RSU1: variants seen among roughly 807,000 people sequenced by gnomAD.
The protein encoded by RSU1 is Ras suppressor protein 1.
A neutral mutation model predicts 31.1 loss-of-function variants in RSU1; 26 were observed. The ratio of observed to expected loss-of-function variants is 0.84; its 90% CI spans 0.61 to 1.16. The LOEUF (loss-of-function observed/expected upper bound fraction) is 1.16. RSU1 is among the 50% of genes most tolerant of loss of function. The probability of loss-of-function intolerance (pLI) is 0.00; values close to 1 mark genes in which losing one functional copy is unlikely to be tolerated. For missense variants in RSU1, 320 were observed against 339.1 expected (o/e 0.94, Z 0.44); for synonymous variants, 164 against 136.3 (o/e 1.20, Z -1.41).
intron 2 of RSU1, among the ~76,000 whole-genome samples, chr10:16,795,353 CAAAAAAA>C (rs532677802): frequency 8.0e-5 from 6 of 75,216 alleles, no homozygotes; most frequent in African/African-American, 2.4e-4. Context: ...GACTCCATCT[CAAAAAAA>C]AAAAAAAAAA....
At chr10:16,779,927 C>CCA (rs1837614362) in intron 3 of RSU1, among the ~76,000 whole-genome samples, 1 of 152,006 alleles carries the variant, frequency 6.6e-6, no homozygotes, top group African/African-American at 2.4e-5. Flanking sequence ...TGGCTTGAAA[C>CCA]AGAATTTACC....
At chr10:16,642,681 C>T (rs1384531356) in intron 8 of RSU1, among the ~76,000 whole-genome samples, 1 of 152,036 alleles carries the variant, frequency 6.6e-6, no homozygotes, top group East Asian at 1.9e-4. Flanking sequence ...CTAAATGGAC[C>T]CTGAAATCAT....
intron 7 of RSU1, among the ~76,000 whole-genome samples, chr10:16,739,744 TG>T (rs529487107): frequency 4.6e-4 from 70 of 152,258 alleles, no homozygotes; most frequent in Admixed American, 9.2e-4. Flanking sequence ...CCCGAGTAGC[TG>T]GGATCACAGG....
At chr10:16,732,601 C>T (rs1836537063) in intron 7 of RSU1, among the ~76,000 whole-genome samples, 1 of 152,186 alleles carries the variant, frequency 6.6e-6, no homozygotes, top group African/African-American at 2.4e-5. Flanking sequence ...GTCTAAGTCA[C>T]CCAGTCTATG....
In RSU1 at chr10:16,752,987, T is replaced by C. The variant is rs747700831; in HGVS notation, c.414A>G (p.Ala138=). 1.2e-6 allele frequency: 2 copies of C among 1,613,712 alleles called. No homozygotes were observed. Among genetic ancestry groups the C allele is most frequent in the Non-Finnish European group, 1.7e-6 (2 of 1,179,784 alleles). ...CAAAATCGTTGTCACTTAGATAGAG[T>C]GCACGCAGGGTGGCTGCAAATTAAA... ...GNFFYLTTLR[A]LYLSDNDFEI... is the part of the protein sequence containing the mutation. Residue 138 remains alanine (A), a synonymous_variant, in exon 6 of 9, where the codon GCA becomes GCG. Coordinates refer to ENST00000345264, the MANE Select transcript of RSU1 (RefSeq NM_012425.4).
intron 2 of RSU1, among the ~76,000 whole-genome samples, chr10:16,809,991 GT>G (rs1430541521): frequency 1.0e-4 from 15 of 149,408 alleles, no homozygotes; most frequent in African/African-American, 1.5e-4. Context: ...GAGGCCGGGG[GT>G]GGGGGGGGGA....
At chr10:16,805,487 C>A (rs1156395042) in intron 2 of RSU1, among the ~76,000 whole-genome samples, 1 of 151,354 alleles carries the variant, frequency 6.6e-6, no homozygotes, top group African/African-American at 2.4e-5. Flanking sequence ...CTGGCTAACA[C>A]GGTGAAACCC....
intron 2 of RSU1, among the ~76,000 whole-genome samples, chr10:16,791,627 C>CA (rs1184746949): frequency 1.4e-5 from 1 of 70,174 alleles, no homozygotes; most frequent in African/African-American, 5.7e-5. Context: ...GACTCCGTCT[C>CA]AAAAAAACAA....
intron 7 of RSU1, among the ~76,000 whole-genome samples, chr10:16,725,487 G>C (rs762823306): frequency 1.3e-5 from 2 of 152,026 alleles, no homozygotes; most frequent in Non-Finnish European, 2.9e-5. Context: ...AATTATCAAC[G>C]AAAGCATCTT....
intron 2 of RSU1, among the ~76,000 whole-genome samples, chr10:16,811,355 C>G (rs1838404709): frequency 6.6e-6 from 1 of 152,272 alleles, no homozygotes; most frequent in Middle Eastern, 3.4e-3. Context: ...CATGAGTGTT[C>G]TAATAATAGC....
chr10:16,699,671 T>C (rs974877021), intron 7 of RSU1, among the ~76,000 whole-genome samples: 1 of 152,172 alleles, frequency 6.6e-6, no homozygotes, highest in Non-Finnish European at 1.5e-5. Context: ...TTAAGCACTG[T>C]GACAAAGAGG....
At chr10:16,621,763 C>G (rs1834075403) in intron 8 of RSU1, among the ~76,000 whole-genome samples, 1 of 152,144 alleles carries the variant, frequency 6.6e-6, no homozygotes, top group Non-Finnish European at 1.5e-5. Context: ...ACCTGCCACC[C>G]ATGATTCAGT....
At chr10:16,634,652 G>A (rs1194462352) in intron 8 of RSU1, among the ~76,000 whole-genome samples, 1 of 152,116 alleles carries the variant, frequency 6.6e-6, no homozygotes, top group East Asian at 1.9e-4. Flanking sequence ...GGATAAAAAT[G>A]TACACAGAGG....
chr10:16,695,928 T>C (rs1401551768), intron 7 of RSU1, among the ~76,000 whole-genome samples: 2 of 152,194 alleles, frequency 1.3e-5, no homozygotes, highest in Non-Finnish European at 2.9e-5. Flanking sequence ...GTTGATTTAA[T>C]GAAGGTAGCA....
chr10:16,711,703 G>A (rs901082760), intron 7 of RSU1, among the ~76,000 whole-genome samples: 1 of 152,116 alleles, frequency 6.6e-6, no homozygotes, highest in African/African-American at 2.4e-5. Flanking sequence ...ATCCAAAGTT[G>A]CTCATGTTGT....
chr10:16,739,177 C>T (rs1037676308), intron 7 of RSU1, among the ~76,000 whole-genome samples: 5 of 152,074 alleles, frequency 3.3e-5, no homozygotes, highest in Admixed American at 1.3e-4. Flanking sequence ...AACATACATG[C>T]ACATGTATCT....
At chr10:16,619,405 C>G (rs1834032318) in intron 8 of RSU1, among the ~76,000 whole-genome samples, 2 of 152,208 alleles carry the variant, frequency 1.3e-5, no homozygotes, top group Admixed American at 1.3e-4. Context: ...ACGGGAACAA[C>G]TGCTGTGATT....
In RSU1 at chr10:16,764,516, G is replaced by C. The variant is rs1273587905; in HGVS notation, c.161-6C>G. The C allele has an allele frequency of 1.2e-6, 2 of 1,611,044 alleles. No individual in the cohort carries two copies. On this transcript the variant is annotated splice_polypyrimidine_tract_variant and splice_region_variant and intron_variant, in intron 3 of 8. Coordinates refer to ENST00000345264, the MANE Select transcript of RSU1 (RefSeq NM_012425.4). The stretch of plus-strand genomic sequence containing the variant: ...TGCGATGTTCGGTGGCACCACTATG[G>C]AAACAAAAATGCTGAGTGTGAATCT...
intron 2 of RSU1, among the ~76,000 whole-genome samples, chr10:16,814,717 A>G (rs1314755401): frequency 5.3e-5 from 8 of 152,184 alleles, no homozygotes; most frequent in South Asian, 2.1e-4. Context: ...ATTCACTTCC[A>G]CCCAACTTCC....
Sources: gnomAD v4.1 joint callset for allele counts (sites outside exome capture counted in the v4.1 genomes callset) on GRCh38, gnomAD v4.1.1 for gene constraint, MANE v1.5 for transcripts, NCBI Gene and HGNC (gene_info 2026-07-23, HGNC 2026-07-21) for gene names.